Variants in FMN1 observed in about 807,000 individuals in gnomAD.
The protein encoded by FMN1 is formin-1.
FMN1 carries 110 observed loss-of-function variants against 132.4 expected under a neutral mutation model. The ratio of observed to expected loss-of-function variants is 0.83; its 90% CI spans 0.71 to 0.97. FMN1 has a LOEUF of 0.97. Ranked by LOEUF, FMN1 falls within the 50% of genes least tolerant of loss-of-function variation. FMN1 has a pLI of 0.00. For synonymous variants in FMN1, 722 were observed against 651.7 expected, an observed-to-expected ratio of 1.11 and a Z score of -1.64; for missense variants, 1,792 against 1,705.3, an observed-to-expected ratio of 1.05 and a Z score of -0.90.
At chr15:32,935,799 TGTTCTTTTA>T (rs984325331) in intron 9 of FMN1, among the ~76,000 whole-genome samples, 17 of 152,126 alleles carry the variant, frequency 1.1e-4, no homozygotes, top group African/African-American at 3.6e-4. Context: ...AGCTAATTTT[TGTTCTTTTA>T]GTAGAGATGA....
chr15:33,092,925 T>TA (rs779748278), intron 4 of FMN1, among the ~76,000 whole-genome samples: 6 of 152,242 alleles, frequency 3.9e-5, no homozygotes, highest in African/African-American at 7.2e-5. Flanking sequence ...CACACCCATT[T>TA]ACTCATTCAT....
rs1347868724 is a variant in FMN1, at chr15:33,093,073, C to T, written c.1868-4099G>A. Among the ~76,000 whole-genome samples, 7 of 152,364 alleles carry T rather than the reference C, an allele frequency of 4.6e-5. No homozygotes were observed. The East Asian group carries it at 7.7e-4, about 17-fold the overall frequency. ...TGAACATACTATATAACCAGCAGAT[C>T]TGGACAAAAGTCCCTAAGGGACAAA... On this transcript the variant is annotated intron_variant, in intron 4 of 20. Coordinates refer to ENST00000616417, the MANE Select transcript of FMN1 (RefSeq NM_001277313.2).
intron 4 of FMN1, among the ~76,000 whole-genome samples, chr15:33,136,202 C>T (rs1391607208): frequency 1.3e-5 from 2 of 152,222 alleles, no homozygotes; most frequent in East Asian, 3.8e-4. Flanking sequence ...TGTTGTCCCT[C>T]TGCTGTTTAC....
chr15:33,040,174 T>C (rs11857770), intron 6 of FMN1, among the ~76,000 whole-genome samples: 40,986 of 152,156 alleles, frequency 0.27, 5,749 homozygotes, highest in Non-Finnish European at 0.31. Flanking sequence ...TTGCTCTGCA[T>C]GTTTGCTCTA....
chr15:32,778,508 T>C (rs1459974086), intron 19 of FMN1, among the ~76,000 whole-genome samples: 1 of 151,942 alleles, frequency 6.6e-6, no homozygotes, highest in Non-Finnish European at 1.5e-5. Flanking sequence ...TGAATAGACA[T>C]TTCTCCAAAG....
intron 16 of FMN1, among the ~76,000 whole-genome samples, chr15:32,865,002 A>G (rs1158790019): frequency 6.6e-6 from 1 of 152,248 alleles, no homozygotes; most frequent in African/African-American, 2.4e-5. Context: ...AAAGCCAATC[A>G]CAAGAGACCA....
chr15:32,978,437 T>C (rs1470031644), intron 7 of FMN1, among the ~76,000 whole-genome samples: 1 of 152,196 alleles, frequency 6.6e-6, no homozygotes, highest in Non-Finnish European at 1.5e-5. Context: ...TATATATCCA[T>C]GGAAATGACT....
intron 13 of FMN1, among the ~76,000 whole-genome samples, chr15:32,900,891 C>T (rs1292342664): frequency 2.6e-5 from 4 of 152,108 alleles, no homozygotes; most frequent in East Asian, 1.9e-4. Flanking sequence ...CGGTGGCTCA[C>T]GCCTGTAATC....
At chr15:32,947,720 A>C (rs1272623913) in intron 9 of FMN1, among the ~76,000 whole-genome samples, 1 of 152,004 alleles carries the variant, frequency 6.6e-6, no homozygotes, top group African/African-American at 2.4e-5. Flanking sequence ...CACTGACTCG[A>C]CCATATTTGC....
chr15:33,051,727 C>T (rs1251190188), intron 6 of FMN1, among the ~76,000 whole-genome samples: 2 of 152,156 alleles, frequency 1.3e-5, no homozygotes, highest in Non-Finnish European at 2.9e-5. Flanking sequence ...ACGTGTACAA[C>T]TCCAATAAAC....
At chr15:33,011,453 A>C (rs2034715705) in intron 6 of FMN1, among the ~76,000 whole-genome samples, 1 of 152,052 alleles carries the variant, frequency 6.6e-6, no homozygotes, top group African/African-American at 2.4e-5. Context: ...CAAAATTGTA[A>C]ATATTTTATA....
rs969298699 is a variant in FMN1 at position 33,153,740 on chromosome 15, C to T, written c.1175G>A (p.Gly392Glu). The T allele has an allele frequency of 3.9e-6, 6 of 1,536,144 alleles. No homozygotes were observed. The African/African-American group carries it at 6.8e-5, about 18-fold the overall frequency. Reference protein sequence around the residue: ...GSRRQGKERQGDRSSQSPAGE... With the variant: ...GSRRQGKERQEDRSSQSPAGE... ...GGCTGGCGACTGCGATGACCTATCC[C>T]CTTGCCGCTCCTTGCCCTGCCGCCT... The change falls in exon 4 of 21, where the codon GGG (glycine) becomes GAG (glutamate). Residue 392 changes from glycine to glutamate, a missense_variant. Gly to Glu is a moderately conservative substitution (Grantham distance 98, BLOSUM62 -2). Coordinates refer to ENST00000616417, the MANE Select transcript of FMN1 (RefSeq NM_001277313.2).
intron 6 of FMN1, among the ~76,000 whole-genome samples, chr15:33,017,940 C>CTGTAA (rs1398903576): frequency 6.6e-6 from 1 of 152,054 alleles, no homozygotes; most frequent in Non-Finnish European, 1.5e-5. Flanking sequence ...TGGCTCGCAC[C>CTGTAA]TGTAATCCCA....
chr15:32,767,683 C>T lies in FMN1; in HGVS notation c.*6627G>A, dbSNP rs1252192602. ...ATGCATACTCTCTTTGAAGATAAGA[C>T]ATCTAGCTGACAGTAGGGTCATATT... On this transcript the variant is annotated 3_prime_UTR_variant, in exon 21 of 21. Coordinates refer to ENST00000616417, the MANE Select transcript of FMN1 (RefSeq NM_001277313.2). 6.6e-6 allele frequency: 1 copy of T among 152,204 alleles called. No homozygotes were observed. The highest frequency in any genetic ancestry group is 1.5e-5 in the Non-Finnish European group (1 of 68,038). 9.4% of individuals were successfully genotyped at this position (152,204 alleles called of 1,614,324 possible).
intron 5 of FMN1, among the ~76,000 whole-genome samples, chr15:33,072,933 A>AAC (rs1873017437): frequency 6.6e-6 from 1 of 151,748 alleles, no homozygotes; most frequent in South Asian, 2.1e-4. Context: ...AAAAAAAAAA[A>AAC]AAAACAAAAA....
chr15:33,153,057 A>G lies in FMN1; in HGVS notation c.1858T>C (p.Ser620Pro), dbSNP rs759218655. 6.6e-7 allele frequency: 1 copy of G among 1,521,324 alleles called. No homozygotes were observed. Among genetic ancestry groups the G allele is most frequent in the South Asian group, 1.2e-5 (1 of 81,608 alleles). 94.2% of individuals were successfully genotyped at this position (1,521,324 alleles called of 1,614,324 possible). Residue 620 changes from serine (S) to proline (P), a missense_variant, in exon 4 of 21, where the codon TCA becomes CCA. Coordinates refer to ENST00000616417, the MANE Select transcript of FMN1 (RefSeq NM_001277313.2). ...GKTTAEPQHQ[S>P]PPGISSEGFP... ...TTAAACAGAGACTAACCTGGAGGTG[A>G]CTGGTGCTGGGGCTCAGCTGTGGTC...
intron 3 of FMN1, among the ~76,000 whole-genome samples, chr15:33,163,281 T>TTCTTG (rs1964966248): frequency 1.3e-5 from 2 of 149,936 alleles, no homozygotes; most frequent in African/African-American, 4.8e-5. Context: ...CTATTTTGGT[T>TTCTTG]TCTTGTCTTG....
At chr15:32,896,539 T>C (rs957110482) in intron 15 of FMN1, among the ~76,000 whole-genome samples, 1 of 152,138 alleles carries the variant, frequency 6.6e-6, no homozygotes. Context: ...AACTTCTTCA[T>C]CTTACGTGAC....
rs144222825 is a variant in FMN1, at chr15:33,187,585, A to C, written c.-197+6324T>G. ...TGTCAACAAAAGAATTCTGTGGGTC[A>C]AGCTCCAATGGGACACAGCCACAGA... On this transcript the variant is annotated intron_variant, in intron 2 of 20. Coordinates refer to ENST00000616417, the MANE Select transcript of FMN1 (RefSeq NM_001277313.2). Among the ~76,000 whole-genome samples, 884 of 152,326 alleles carry C rather than the reference A, an allele frequency of 5.8e-3. 5 individuals are homozygous for C. The highest frequency in any genetic ancestry group is 0.019 in the African/African-American group (780 of 41,566).
Sources: allele counts gnomAD v4.1 joint callset (sites outside exome capture counted in the v4.1 genomes callset), GRCh38; gene constraint gnomAD v4.1.1; transcripts MANE v1.5; gene names NCBI Gene and HGNC (gene_info 2026-07-23, HGNC 2026-07-21).